The following MDGA2 variants were observed in gnomAD, a reference collection of about 807,000 sequenced individuals.
The protein encoded by MDGA2 is MAM domain containing glycosylphosphatidylinositol anchor 2, also known as MAM domain-containing glycosylphosphatidylinositol anchor protein 2.
MDGA2 carries 40 observed loss-of-function variants against 117.8 expected under a neutral mutation model. The observed-to-expected ratio is 0.34, with a 90% CI of 0.26 to 0.44. MDGA2 has a LOEUF of 0.44. Among genes scored for constraint, MDGA2 ranks in the 20% least tolerant of loss-of-function variants. The pLI is 1.00. For synonymous variants in MDGA2, 452 were observed against 439.0 expected, an observed-to-expected ratio of 1.03 and a Z score of -0.37; for missense variants, 1,123 against 1,250.6, an observed-to-expected ratio of 0.90 and a Z score of 1.54.
chr14:46,891,539 T>C (rs1882884506), intron 10 of MDGA2, among the ~76,000 whole-genome samples: 1 of 151,222 alleles, frequency 6.6e-6, no homozygotes, highest in Non-Finnish European at 1.5e-5. Flanking sequence ...CTGTTTTATA[T>C]AGTTAGCAAT....
intron 1 of MDGA2, among the ~76,000 whole-genome samples, chr14:47,329,930 A>T (rs17740878): frequency 0.09 from 13,667 of 152,000 alleles, 752 homozygotes; most frequent in Non-Finnish European, 0.11. Flanking sequence ...TGGGGAAAAA[A>T]TCCTCTATAT....
chr14:46,881,639 C>T (rs1309622769), intron 11 of MDGA2, among the ~76,000 whole-genome samples: 1 of 152,072 alleles, frequency 6.6e-6, no homozygotes, highest in Admixed American at 6.6e-5. Flanking sequence ...AAACCTTAAA[C>T]TGCTCAAAAA....
At chr14:47,626,784 C>T (rs1453948767) in intron 1 of MDGA2, among the ~76,000 whole-genome samples, 1 of 152,242 alleles carries the variant, frequency 6.6e-6, no homozygotes, top group African/African-American at 2.4e-5. Flanking sequence ...CCCGCCATGC[C>T]TGAGCATCCC....
At chr14:47,460,644 T>C (rs1407760439) in intron 1 of MDGA2, among the ~76,000 whole-genome samples, 1 of 152,154 alleles carries the variant, frequency 6.6e-6, no homozygotes, top group Admixed American at 6.5e-5. Context: ...TGGCAACTCA[T>C]GAGGCTCATC....
intron 10 of MDGA2, among the ~76,000 whole-genome samples, chr14:46,909,417 G>A (rs1883615041): frequency 6.6e-6 from 1 of 152,020 alleles, no homozygotes; most frequent in Non-Finnish European, 1.5e-5. Flanking sequence ...TCAAGTCAAG[G>A]GGCTGCTTGG....
intron 16 of MDGA2, among the ~76,000 whole-genome samples, chr14:46,842,452 G>T (rs1330252451): frequency 6.6e-6 from 1 of 151,764 alleles, no homozygotes; most frequent in East Asian, 1.9e-4. Context: ...AACTAGAAAG[G>T]GATGGTTATG....
At chr14:47,010,959 T>A (rs1303171856) in intron 8 of MDGA2, among the ~76,000 whole-genome samples, 2 of 151,950 alleles carry the variant, frequency 1.3e-5, no homozygotes, top group East Asian at 3.8e-4. Flanking sequence ...TTAATATCCA[T>A]TTGCAGTAAG....
chr14:47,221,917 C>T (rs1176116089), intron 2 of MDGA2, among the ~76,000 whole-genome samples: 4 of 151,370 alleles, frequency 2.6e-5, no homozygotes, highest in Admixed American at 6.6e-5. Flanking sequence ...TAAATCAAGC[C>T]CATTGACAAT....
rs756528353 is a variant in MDGA2, at chr14:46,929,601, GTATATATATA to G, written c.2090-9451_2090-9442del. 7.3e-3 allele frequency among the ~76,000 whole-genome samples: 92 copies of G among 12,674 alleles called. 1 individual carries two copies. The highest frequency in any genetic ancestry group is 0.02 in the South Asian group (5 of 246). The allele number at this position is 12,674 out of a possible 152,430, so 8.3% of individuals were successfully genotyped here. On this transcript the variant is annotated intron_variant, in intron 9 of 16. Coordinates refer to ENST00000399232, the MANE Select transcript of MDGA2 (RefSeq NM_001113498.3). ...TATACGTGTGTGTGTGTGTGTGTGT[GTATATATATA>G]TATATATATATATATATATATATAT...
intron 1 of MDGA2, among the ~76,000 whole-genome samples, chr14:47,402,881 T>C (rs1260216636): frequency 1.3e-5 from 2 of 152,186 alleles, no homozygotes; most frequent in Admixed American, 6.5e-5. Flanking sequence ...GAGTTTGTAG[T>C]CCTGTGAAGG....
At chr14:46,899,060 G>A (rs890023341) in intron 10 of MDGA2, among the ~76,000 whole-genome samples, 1 of 151,996 alleles carries the variant, frequency 6.6e-6, no homozygotes, top group Non-Finnish European at 1.5e-5. Flanking sequence ...TAATGGAAAG[G>A]GGATTATGTC....
chr14:47,183,426 T>C (rs747183655), intron 3 of MDGA2, among the ~76,000 whole-genome samples: 5 of 152,100 alleles, frequency 3.3e-5, no homozygotes, highest in Non-Finnish European at 7.4e-5. Flanking sequence ...AATTTTGACA[T>C]TTCAATAGAT....
chr14:47,168,684 A>G (rs1311669337), intron 3 of MDGA2, among the ~76,000 whole-genome samples: 1 of 152,132 alleles, frequency 6.6e-6, no homozygotes, highest in Non-Finnish European at 1.5e-5. Context: ...AGATTCTGAT[A>G]GAGCTATCAA....
Position 47,061,438 on chromosome 14 carries a change from C to T in MDGA2, c.1336G>A (p.Gly446Ser), listed in dbSNP as rs1187233136. The T allele has an allele frequency of 6.2e-7, 1 of 1,613,574 alleles. No individual in the cohort carries two copies. Among genetic ancestry groups the T allele is most frequent in the Admixed American group, 1.7e-5 (1 of 59,928 alleles). ...EELTFSWFKN[G>S]RPLRSSERMV... is the part of the protein sequence containing the mutation. ...CGCTCAGAACTTCTTAATGGACGAC[C>T]ATTTTTAAACCAACTAAATGTTAGC... Residue 446 changes from glycine to serine, a missense_variant, in exon 7 of 17, where the codon GGT becomes AGT. Transcript: ENST00000399232.
At chr14:47,445,315 TC>T (rs1893098705) in intron 1 of MDGA2, among the ~76,000 whole-genome samples, 1 of 152,116 alleles carries the variant, frequency 6.6e-6, no homozygotes, top group Non-Finnish European at 1.5e-5. Flanking sequence ...AGCAGCAAGA[TC>T]GTGGAAAAAT....
intron 1 of MDGA2, among the ~76,000 whole-genome samples, chr14:47,346,854 T>C (rs1890773020): frequency 6.6e-6 from 1 of 152,122 alleles, no homozygotes; most frequent in Non-Finnish European, 1.5e-5. Flanking sequence ...CAGATAAAGA[T>C]AGAAAAGCAG....
chr14:47,226,307 A>G (rs1031887689), intron 2 of MDGA2, among the ~76,000 whole-genome samples: 5 of 152,056 alleles, frequency 3.3e-5, no homozygotes, highest in African/African-American at 9.7e-5. Context: ...AGGTCTACTC[A>G]CTATGCGGAA....
intron 1 of MDGA2, among the ~76,000 whole-genome samples, chr14:47,481,245 T>A (rs1007125221): frequency 3.9e-5 from 6 of 152,012 alleles, no homozygotes; most frequent in Non-Finnish European, 7.4e-5. Flanking sequence ...ATCAGTACTA[T>A]TTCCAGAGAG....
At chr14:47,210,757 G>A (rs1885851517) in intron 3 of MDGA2, among the ~76,000 whole-genome samples, 2 of 152,114 alleles carry the variant, frequency 1.3e-5, no homozygotes, top group South Asian at 2.1e-4. Context: ...AGTGGCTCAC[G>A]CCTGTAATCC....
Sources: allele counts gnomAD v4.1 joint callset (sites outside exome capture counted in the v4.1 genomes callset), GRCh38; gene constraint gnomAD v4.1.1; transcripts MANE v1.5; gene names NCBI Gene and HGNC (gene_info 2026-07-23, HGNC 2026-07-21).